Variants in TTLL11 observed in about 807,000 individuals in gnomAD.
TTLL11 encodes tubulin polyglutamylase TTLL11.
TTLL11 carries 42 observed loss-of-function variants against 51.7 expected under a neutral mutation model. That is an observed-to-expected ratio of 0.81 (90% CI 0.64 to 1.05). The LOEUF is 1.05. TTLL11 is among the 50% of genes least tolerant of loss of function. The pLI, the probability that TTLL11 is intolerant of heterozygous loss-of-function variation, is 0.00. For synonymous variants in TTLL11, 381 were observed against 383.5 expected, an observed-to-expected ratio of 0.99 and a Z score of 0.08; for missense variants, 799 against 940.4, an observed-to-expected ratio of 0.85 and a Z score of 1.97.
At chr9:122,018,560 T>A (rs1453805612) in intron 3 of TTLL11, among the ~76,000 whole-genome samples, 2 of 152,244 alleles carry the variant, frequency 1.3e-5, no homozygotes, top group Non-Finnish European at 2.9e-5. Context: ...GATGCTCACT[T>A]GCTCTAAGGC....
At chr9:122,073,965 G>A (rs1845795726) in intron 1 of TTLL11, among the ~76,000 whole-genome samples, 1 of 152,192 alleles carries the variant, frequency 6.6e-6, no homozygotes. Flanking sequence ...GGCTTTTTAA[G>A]TCATGTACAA....
At chr9:121,994,198 A>G (rs1843189907) in intron 3 of TTLL11, among the ~76,000 whole-genome samples, 1 of 151,430 alleles carries the variant, frequency 6.6e-6, no homozygotes, top group Non-Finnish European at 1.5e-5. Context: ...GGCAGAAAGG[A>G]AGGACCTGGG....
At chr9:121,959,105 C>T (rs1294874620) in intron 6 of TTLL11, among the ~76,000 whole-genome samples, 2 of 152,164 alleles carry the variant, frequency 1.3e-5, no homozygotes, top group Non-Finnish European at 2.9e-5. Flanking sequence ...TTTCTGTGCC[C>T]AGCAACTGAG....
chr9:121,986,967 C>T lies in TTLL11; in HGVS notation c.1269+2228G>A, dbSNP rs547681130. On this transcript the variant is annotated intron_variant, in intron 4 of 8. Coordinates refer to ENST00000321582, the MANE Select transcript of TTLL11 (RefSeq NM_001139442.2). ...TGCAAATGAGGCAGTACCCACGACC[C>T]CCACCAGCATGGGTGGACCTTGGAA... 9.2e-5 allele frequency among the ~76,000 whole-genome samples: 14 copies of T among 151,984 alleles called. No individual in the cohort carries two copies. The South Asian group carries it at 2.9e-3, about 32-fold the overall frequency.
At chr9:121,896,108 G>T (rs995242197) in intron 6 of TTLL11, among the ~76,000 whole-genome samples, 2 of 152,014 alleles carry the variant, frequency 1.3e-5, no homozygotes, top group African/African-American at 2.4e-5. Context: ...GTTTGTGTGT[G>T]TTTTTGAGTG....
At chr9:121,872,876 G>C (rs1157557994) in intron 6 of TTLL11, among the ~76,000 whole-genome samples, 1 of 152,190 alleles carries the variant, frequency 6.6e-6, no homozygotes, top group African/African-American at 2.4e-5. Context: ...TGTGCCCAAA[G>C]GGCTGCAATT....
At chr9:121,896,309 C>A (rs1321463416) in intron 6 of TTLL11, among the ~76,000 whole-genome samples, 1 of 152,190 alleles carries the variant, frequency 6.6e-6, no homozygotes, top group African/African-American at 2.4e-5. Flanking sequence ...CTTTCCGGGG[C>A]TAGGTGGCTT....
chr9:122,014,155 A>C (rs1034452430), intron 3 of TTLL11, among the ~76,000 whole-genome samples: 2 of 152,154 alleles, frequency 1.3e-5, no homozygotes, highest in African/African-American at 4.8e-5. Context: ...ACTTAAGGCC[A>C]GGAGTTCGAG....
At chr9:121,972,529 C>T (rs548504327) in intron 6 of TTLL11, among the ~76,000 whole-genome samples, 13 of 152,236 alleles carry the variant, frequency 8.5e-5, no homozygotes, top group African/African-American at 1.2e-4. Flanking sequence ...CATTCTCAGC[C>T]GAGTCTTGCC....
At chr9:121,969,355 G>A (rs1014110935) in intron 6 of TTLL11, among the ~76,000 whole-genome samples, 3 of 152,100 alleles carry the variant, frequency 2.0e-5, no homozygotes, top group African/African-American at 7.2e-5. Context: ...GCAGAGTCAA[G>A]TTCTTCCCCC....
At chr9:121,870,399 G>A (rs1003542862) in intron 7 of TTLL11, 98 bp downstream of exon 7, 4 of 1,443,952 alleles carry the variant, frequency 2.8e-6, no homozygotes, top group Non-Finnish European at 3.7e-6. Flanking sequence ...CAGCACCACA[G>A]ATTCTCCCGA....
chr9:122,048,186 G>T (rs1845069237), intron 1 of TTLL11, among the ~76,000 whole-genome samples: 1 of 151,790 alleles, frequency 6.6e-6, no homozygotes, highest in Non-Finnish European at 1.5e-5. Context: ...TATTTTTTCA[G>T]AGATGGGGTC....
intron 1 of TTLL11, among the ~76,000 whole-genome samples, chr9:122,039,861 A>ATCTCTCTC (rs145587739): frequency 1.4e-5 from 2 of 147,660 alleles, no homozygotes; most frequent in African/African-American, 5.0e-5. Flanking sequence ...CTCTTCCCTT[A>ATCTCTCTC]TCTCTCTCTC....
At chr9:122,007,510 A>G (rs570374173) in intron 3 of TTLL11, among the ~76,000 whole-genome samples, 19 of 152,134 alleles carry the variant, frequency 1.2e-4, no homozygotes, top group African/African-American at 4.6e-4. Flanking sequence ...AAAGAAAAAA[A>G]AAAGGATTCA....
chr9:121,930,047 G>A (rs1417197647), intron 6 of TTLL11, among the ~76,000 whole-genome samples: 4 of 152,208 alleles, frequency 2.6e-5, no homozygotes, highest in Non-Finnish European at 4.4e-5. Context: ...TTCACTTAAA[G>A]GAAATATTGC....
At chr9:121,994,443 A>C (rs993166528) in intron 3 of TTLL11, among the ~76,000 whole-genome samples, 1 of 152,188 alleles carries the variant, frequency 6.6e-6, no homozygotes, top group African/African-American at 2.4e-5. Context: ...TGTTCTAAGC[A>C]CTTTGGAGGT....
chr9:121,866,701 C>T (rs1397752631), intron 7 of TTLL11, among the ~76,000 whole-genome samples: 1 of 151,708 alleles, frequency 6.6e-6, no homozygotes, highest in Non-Finnish European at 1.5e-5. Context: ...AAAGAAAAAC[C>T]TGTTAATCGT....
chr9:122,069,628 G>A (rs1845677852), intron 1 of TTLL11, among the ~76,000 whole-genome samples: 3 of 152,120 alleles, frequency 2.0e-5, no homozygotes, highest in Admixed American at 2.0e-4. Context: ...CTTGCAGTGA[G>A]TGGGATCGCG....
chr9:122,001,873 G>A (rs552523260), intron 3 of TTLL11, among the ~76,000 whole-genome samples: 1 of 152,278 alleles, frequency 6.6e-6, no homozygotes, highest in African/African-American at 2.4e-5. Context: ...TTCAACTGCT[G>A]GTTTAAATTT....
Sources: gnomAD v4.1 joint callset for allele counts (sites outside exome capture counted in the v4.1 genomes callset) on GRCh38, gnomAD v4.1.1 for gene constraint, MANE v1.5 for transcripts, NCBI Gene and HGNC (gene_info 2026-07-23, HGNC 2026-07-21) for gene names.